Variants in SHANK2 observed in about 807,000 individuals in gnomAD.
The protein encoded by SHANK2 is SH3 and multiple ankyrin repeat domains 2.
In SHANK2, 43 loss-of-function variants were observed where a neutral mutation model predicts 133.7. The ratio of observed to expected loss-of-function variants is 0.32; its 90% CI spans 0.25 to 0.41. SHANK2 has a LOEUF of 0.41. SHANK2 is among the 10% of genes least tolerant of loss of function. The pLI is 1.00. For missense variants in SHANK2, 1,994 were observed against 2,235.8 expected (o/e 0.89, Z 2.18); for synonymous variants, 1,017 against 952.8 (o/e 1.07, Z -1.24).
intron 15 of SHANK2, among the ~76,000 whole-genome samples, chr11:70,665,093 G>A (rs370903763): frequency 6.6e-5 from 10 of 152,204 alleles, no homozygotes; most frequent in South Asian, 4.2e-4. Context: ...CTCTGATCTC[G>A]ACATCCAGGG....
At position 70,819,171 on chromosome 11, in the gene SHANK2, G is replaced by A. The variant is rs139127179; in HGVS notation, c.1493+1193C>T. ...CATCACCAAAAACATGGCAACGGCC[G>A]GGGAAGCACGGGTCCAAGGCCCAAA... On this transcript the variant is annotated intron_variant, in intron 12 of 25. Coordinates refer to ENST00000601538, the MANE Select transcript of SHANK2 (RefSeq NM_012309.5). 2.3e-3 allele frequency among the ~76,000 whole-genome samples: 357 copies of A among 152,368 alleles called. 1 individual carries two copies. In the Middle Eastern group the frequency reaches 0.024, roughly 10 times the overall value.
intron 17 of SHANK2, among the ~76,000 whole-genome samples, chr11:70,532,494 C>T (rs1231363674): frequency 6.6e-6 from 1 of 152,104 alleles, no homozygotes; most frequent in Non-Finnish European, 1.5e-5. Context: ...GGTCTGTGTG[C>T]GTGCATTTTC....
At chr11:71,225,446 G>C (rs528283663) in intron 1 of SHANK2, among the ~76,000 whole-genome samples, 1 of 152,302 alleles carries the variant, frequency 6.6e-6, no homozygotes, top group Non-Finnish European at 1.5e-5. Context: ...AGCATGGGGA[G>C]CCTGGATTTC....
chr11:70,672,731 A>T (rs1173585954), intron 15 of SHANK2, among the ~76,000 whole-genome samples: 1 of 152,170 alleles, frequency 6.6e-6, no homozygotes, highest in African/African-American at 2.4e-5. Context: ...TTGTTCACTC[A>T]TTTGCTGTCT....
intron 17 of SHANK2, among the ~76,000 whole-genome samples, chr11:70,593,837 G>GTTCAATCA (rs1554988705): frequency 6.6e-6 from 1 of 152,040 alleles, no homozygotes; most frequent in African/African-American, 2.4e-5. Context: ...TCGTTCGTTC[G>GTTCAATCA]TTCATTCATT....
chr11:70,842,932 C>T (rs1286119605), intron 11 of SHANK2, among the ~76,000 whole-genome samples: 3 of 152,180 alleles, frequency 2.0e-5, no homozygotes, highest in African/African-American at 4.8e-5. Context: ...CCGGGCTGGG[C>T]GGCCATTCCC....
intron 17 of SHANK2, chr11:70,654,362 C>T (rs2061377770): frequency 6.6e-6 from 1 of 152,224 alleles, no homozygotes. Context: ...TCTTCTAAGA[C>T]ACAGTTTCCT....
rs79141120 is a variant in SHANK2, at chr11:70,898,481, T to A, written c.1108-1914A>T. Among the ~76,000 whole-genome samples, 95 of 152,212 alleles carry A rather than the reference T, an allele frequency of 6.2e-4. 2 individuals are homozygous for A. The East Asian group carries it at 0.017, about 27-fold the overall frequency. The stretch of plus-strand genomic sequence containing the variant: ...AATATGAATGTTAGAATGATTCTGC[T>A]GAGATATCAGATGGAGATGAAGAAC... On this transcript the variant is annotated intron_variant, in intron 10 of 25. Transcript: ENST00000601538.
chr11:70,717,392 G>C (rs903446224), intron 14 of SHANK2, among the ~76,000 whole-genome samples: 1 of 152,176 alleles, frequency 6.6e-6, no homozygotes, highest in Non-Finnish European at 1.5e-5. Flanking sequence ...TGGGATTCTG[G>C]ATGCAACTGA....
chr11:71,202,200 T>A (rs1281229127), intron 2 of SHANK2, among the ~76,000 whole-genome samples: 2 of 152,242 alleles, frequency 1.3e-5, no homozygotes, highest in Non-Finnish European at 2.9e-5. Context: ...CACACCCTTC[T>A]GCCGGGTGGC....
intron 14 of SHANK2, among the ~76,000 whole-genome samples, chr11:70,725,321 T>G (rs1946156272): frequency 6.6e-6 from 1 of 152,224 alleles, no homozygotes; most frequent in South Asian, 2.1e-4. Flanking sequence ...ATATTTAAAA[T>G]GAATCATTTT....
intron 14 of SHANK2, among the ~76,000 whole-genome samples, chr11:70,784,329 C>G (rs1555045914): frequency 1.4e-5 from 2 of 147,690 alleles, no homozygotes; most frequent in African/African-American, 5.0e-5. Flanking sequence ...GGGCGTGCGC[C>G]ACCACACCGG....
chr11:70,734,953 G>C (rs568532207), intron 14 of SHANK2, among the ~76,000 whole-genome samples: 5 of 152,340 alleles, frequency 3.3e-5, no homozygotes, highest in Admixed American at 2.6e-4. Flanking sequence ...CAGTACAAGG[G>C]GGATTCTGGG....
intron 14 of SHANK2, among the ~76,000 whole-genome samples, chr11:70,746,095 C>G (rs1946631404): frequency 6.6e-6 from 1 of 152,208 alleles, no homozygotes; most frequent in Non-Finnish European, 1.5e-5. Flanking sequence ...GGGCTGAGGA[C>G]CTGCTGGGTC....
At chr11:70,921,494 G>A (rs1590835257) in intron 10 of SHANK2, among the ~76,000 whole-genome samples, 1 of 152,236 alleles carries the variant, frequency 6.6e-6, no homozygotes, top group Non-Finnish European at 1.5e-5. Context: ...CTGGGCTAGA[G>A]GAAGGAGTAG....
intron 3 of SHANK2, among the ~76,000 whole-genome samples, chr11:71,121,460 T>C (rs1487482941): frequency 3.9e-5 from 6 of 152,246 alleles, no homozygotes; most frequent in African/African-American, 1.4e-4. Flanking sequence ...TAAATCTGGA[T>C]ATTAGCCCTT....
Position 70,793,758 on chromosome 11 carries a change from G to C in SHANK2, c.1777+4685C>G, listed in dbSNP as rs376798946. ...GAGAACAAAATGGGACAGCACTTTG[G>C]AGAACTGTGTGGTAGTTTCTTATAA... On this transcript the variant is annotated intron_variant, in intron 14 of 25. Transcript: ENST00000601538. Among the ~76,000 whole-genome samples, 56 of 152,320 alleles carry C rather than the reference G, an allele frequency of 3.7e-4. 2 individuals carry two copies. In the South Asian group the frequency reaches 0.012, roughly 32 times the overall value.
At chr11:70,723,023 A>C (rs1320398775) in intron 14 of SHANK2, among the ~76,000 whole-genome samples, 1 of 152,142 alleles carries the variant, frequency 6.6e-6, no homozygotes, top group Non-Finnish European at 1.5e-5. Context: ...CCTTACCTTT[A>C]TGGGACTTTT....
chr11:71,219,290 G>A (rs1226541872), intron 2 of SHANK2, among the ~76,000 whole-genome samples: 1 of 152,222 alleles, frequency 6.6e-6, no homozygotes, highest in African/African-American at 2.4e-5. Context: ...AACGTGGAAA[G>A]AGATGAGCAC....
Sources: allele counts gnomAD v4.1 joint callset (sites outside exome capture counted in the v4.1 genomes callset), GRCh38; gene constraint gnomAD v4.1.1; transcripts MANE v1.5; gene names NCBI Gene and HGNC (gene_info 2026-07-23, HGNC 2026-07-21).